The following TAB2 variants were observed in gnomAD, a reference collection of about 807,000 sequenced individuals.
The protein encoded by TAB2 is TGF-beta-activated kinase 1 and MAP3K7-binding protein 2.
TAB2 carries 3 observed loss-of-function variants against 65.0 expected under a neutral mutation model. The ratio of observed to expected loss-of-function variants is 0.05; its 90% CI spans 0.02 to 0.12. The LOEUF is 0.12. TAB2 is among the 10% of genes least tolerant of loss of function. TAB2 has a pLI of 1.00. For synonymous variants in TAB2, 298 were observed against 285.1 expected, an observed-to-expected ratio of 1.05 and a Z score of -0.46; for missense variants, 623 against 840.3, an observed-to-expected ratio of 0.74 and a Z score of 3.20.
At chr6:149,358,418 G>A (rs957855943) in intron 1 of TAB2, among the ~76,000 whole-genome samples, 5 of 152,016 alleles carry the variant, frequency 3.3e-5, no homozygotes, top group Non-Finnish European at 7.4e-5. Context: ...TCCAGTTTTC[G>A]AGTATTTCAT....
chr6:149,402,204 GA>G, intron 6 of TAB2, among the ~76,000 whole-genome samples: 1 of 151,370 alleles, frequency 6.6e-6, no homozygotes, highest in Non-Finnish European at 1.5e-5. Context: ...GATAAATTGA[GA>G]AAAAAAGGAG....
chr6:149,287,903 A>C (rs1383615440), intron 1 of TAB2, among the ~76,000 whole-genome samples: 2 of 152,208 alleles, frequency 1.3e-5, no homozygotes, highest in Non-Finnish European at 2.9e-5. Flanking sequence ...AAGCTTCACT[A>C]AATCGTTTCT....
intron 1 of TAB2, among the ~76,000 whole-genome samples, chr6:149,334,855 T>A (rs374732147): frequency 3.3e-5 from 5 of 152,192 alleles, no homozygotes; most frequent in Admixed American, 2.0e-4. Flanking sequence ...GGAAAAGAAT[T>A]GAGAACTCTG....
chr6:149,292,436 A>G (rs751985014), intron 1 of TAB2, among the ~76,000 whole-genome samples: 102 of 152,246 alleles, frequency 6.7e-4, no homozygotes, highest in Non-Finnish European at 1.2e-3. Context: ...TTGGCTGTAA[A>G]GTAACAAGTT....
chr6:149,257,465 A>T (rs570490567), intron 1 of TAB2: 117 of 151,878 alleles, frequency 7.7e-4, no homozygotes, highest in African/African-American at 2.8e-3. Context: ...CTTTAAAATG[A>T]CTCTGCTTTT....
chr6:149,360,453 T>C (rs902657515), intron 1 of TAB2, among the ~76,000 whole-genome samples: 2 of 152,212 alleles, frequency 1.3e-5, no homozygotes, highest in Admixed American at 6.5e-5. Context: ...TTAAACAGCC[T>C]GATCTCATGA....
At chr6:149,302,821 G>T (rs1778993216) in intron 1 of TAB2, among the ~76,000 whole-genome samples, 1 of 152,126 alleles carries the variant, frequency 6.6e-6, no homozygotes, top group Non-Finnish European at 1.5e-5. Flanking sequence ...CAACTCCCAG[G>T]CCACGGGCCA....
At chr6:149,312,895 A>G (rs1412314593), upstream of TAB2, among the ~76,000 whole-genome samples, 1 of 152,190 alleles carries the variant, frequency 6.6e-6, no homozygotes, top group East Asian at 1.9e-4. Context: ...GATTTTCAAG[A>G]GTACAATATT....
intron 1 of TAB2, among the ~76,000 whole-genome samples, chr6:149,355,914 T>C (rs1021917121): frequency 3.3e-5 from 5 of 151,740 alleles, no homozygotes; most frequent in Non-Finnish European, 5.9e-5. Flanking sequence ...TAAAGAAACC[T>C]CCTTAACTTT....
intron 1 of TAB2, among the ~76,000 whole-genome samples, chr6:149,237,809 G>A (rs1777528692): frequency 6.6e-6 from 1 of 152,182 alleles, no homozygotes; most frequent in African/African-American, 2.4e-5. Context: ...AATGATGCCT[G>A]TTCCCAGCAG....
intron 1 of TAB2, among the ~76,000 whole-genome samples, chr6:149,233,599 A>G (rs1298228744): frequency 6.6e-6 from 1 of 152,178 alleles, no homozygotes; most frequent in African/African-American, 2.4e-5. Flanking sequence ...TTGTTTACCA[A>G]ATGACTCATG....
At chr6:149,334,624 A>G (rs1029234454) in intron 1 of TAB2, among the ~76,000 whole-genome samples, 5 of 151,038 alleles carry the variant, frequency 3.3e-5, no homozygotes, top group Non-Finnish European at 7.4e-5. Flanking sequence ...CTGCATATCT[A>G]TGATTACATG....
upstream of TAB2, among the ~76,000 whole-genome samples, chr6:149,316,986 G>A (rs1472134800): frequency 6.6e-6 from 1 of 151,118 alleles, no homozygotes; most frequent in African/African-American, 2.4e-5. Context: ...GCGACCCGGC[G>A]CCAGCCTCCG....
At chr6:149,352,453 T>TA (rs925675809) in intron 1 of TAB2, among the ~76,000 whole-genome samples, 3 of 152,194 alleles carry the variant, frequency 2.0e-5, no homozygotes, top group African/African-American at 7.2e-5. Flanking sequence ...CCATTCCTGT[T>TA]ACAGGCTTGT....
intron 1 of TAB2, among the ~76,000 whole-genome samples, chr6:149,236,312 G>T (rs374070347): frequency 3.9e-5 from 6 of 152,306 alleles, no homozygotes; most frequent in Admixed American, 1.3e-4. Context: ...TAAGTCACAG[G>T]ATCAAACAAT....
intron 1 of TAB2, among the ~76,000 whole-genome samples, chr6:149,329,149 G>A (rs1779709157): frequency 6.6e-6 from 1 of 152,164 alleles, no homozygotes; most frequent in Non-Finnish European, 1.5e-5. Flanking sequence ...CCTTCAAATG[G>A]ATGGAAGACA....
At chr6:149,349,607 TA>T (rs143434263) in intron 1 of TAB2, among the ~76,000 whole-genome samples, 5,091 of 152,256 alleles carry the variant, frequency 0.033, 296 homozygotes, top group African/African-American at 0.12. Context: ...TGTGTTCACC[TA>T]GTGTTTCTTA....
chr6:149,395,840 T>G (rs1174601797), intron 3 of TAB2, among the ~76,000 whole-genome samples: 2 of 152,222 alleles, frequency 1.3e-5, no homozygotes, highest in African/African-American at 4.8e-5. Flanking sequence ...TGGAAATACC[T>G]TTATTCATTT....
intron 1 of TAB2, among the ~76,000 whole-genome samples, chr6:149,284,972 C>T (rs1778644163): frequency 6.6e-6 from 1 of 152,194 alleles, no homozygotes; most frequent in Admixed American, 6.5e-5. Context: ...CTCAGAGGTG[C>T]TGCAAGGAGC....
Sources: allele counts gnomAD v4.1 joint callset (sites outside exome capture counted in the v4.1 genomes callset), GRCh38; gene constraint gnomAD v4.1.1; transcripts MANE v1.5; gene names NCBI Gene and HGNC (gene_info 2026-07-23, HGNC 2026-07-21).